HSPG2: variants seen among roughly 807,000 people sequenced by gnomAD.
The protein encoded by HSPG2 is basement membrane-specific heparan sulfate proteoglycan core protein.
A neutral mutation model predicts 526.6 loss-of-function variants in HSPG2; 278 were observed. The ratio of observed to expected loss-of-function variants is 0.53; its 90% confidence interval spans 0.48 to 0.58. The LOEUF is 0.58. Ranked by LOEUF, HSPG2 falls within the 20% of genes least tolerant of loss-of-function variation. HSPG2 has a pLI of 0.00. For synonymous variants in HSPG2, 2,465 were observed against 2,555.4 expected (o/e 0.96, Z 1.07); for missense variants, 5,354 against 6,099.5 (o/e 0.88, Z 4.07).
Position 21,890,765 on chromosome 1 carries a change from T to C in HSPG2, c.245-71A>G, listed in dbSNP as rs1055470490. The C allele has an allele frequency of 1.4e-5, 16 of 1,183,350 alleles. No homozygotes were observed. Among genetic ancestry groups the C allele is most frequent in the East Asian group, 7.1e-5 (3 of 42,376 alleles). 73.3% of individuals were successfully genotyped at this position (1,183,350 alleles called of 1,614,324 possible). On this transcript the variant is annotated intron_variant, in intron 3 of 96. Transcript: ENST00000374695. The surrounding 1 kb of genome is among the most constrained non-coding windows in gnomAD (Gnocchi z 4.1). ...CTAGTGGCCTTAGGCAGTTGGACCA[T>C]TCAGGCAGAGTTGGGGGGATGGCCC...
At chr1:21,829,871 GAGAT>G in intron 86 of HSPG2, 118 bp downstream of exon 86, 1 of 938,472 alleles carries the variant, frequency 1.1e-6, no homozygotes, top group Non-Finnish European at 1.7e-6. Context: ...AGGTGACTTC[GAGAT>G]CCTCTGGCTT....
intron 52 of HSPG2, 102 bp downstream of exon 52, chr1:21,852,598 T>C: frequency 6.6e-7 from 1 of 1,504,472 alleles, no homozygotes; most frequent in Admixed American, 1.7e-5. Context: ...CCAGCTCCGG[T>C]GTGGGCCTTC....
Position 21,832,545 on chromosome 1 carries a change from C to T in HSPG2, c.11157G>A (p.Arg3719=). 3 of 1,614,236 alleles carry T rather than the reference C, an allele frequency of 1.9e-6. No homozygotes were observed. Among genetic ancestry groups the T allele is most frequent in the Non-Finnish European group, 2.5e-6 (3 of 1,180,038 alleles). Residue 3719 remains arginine (R), a synonymous_variant, in exon 81 of 97, where the codon CGG becomes CGA. Coordinates refer to ENST00000374695, the MANE Select transcript of HSPG2 (RefSeq NM_005529.7). The part of the protein sequence containing the change: ...VPGSPTNLAN[R]QPDFISFGLV... ...GGCCGAAGGAGATGAAGTCGGGCTG[C>T]CGGTTGGCCAGGTTGGTGGGGCTCC...
chr1:21,850,269 C>T, intron 56 of HSPG2, 77 bp from the exon 57 acceptor site: 2 of 1,611,214 alleles, frequency 1.2e-6, no homozygotes, highest in South Asian at 2.2e-5. Context: ...AAGGCAGGTG[C>T]AGTCTGCGGC....
chr1:21,921,462 C>T (rs1644036465), intron 1 of HSPG2, among the ~76,000 whole-genome samples: 1 of 152,164 alleles, frequency 6.6e-6, no homozygotes, highest in Non-Finnish European at 1.5e-5. Context: ...TCTCCGGGAC[C>T]CCAGGTGCAC....
chr1:21,922,351 G>A (rs1026318516), intron 1 of HSPG2, among the ~76,000 whole-genome samples: 2 of 152,176 alleles, frequency 1.3e-5, no homozygotes, highest in African/African-American at 4.8e-5. Flanking sequence ...GAAACGGTGC[G>A]GAATTGATGG....
chr1:21,934,258 C>T (rs1275623077), intron 1 of HSPG2, among the ~76,000 whole-genome samples: 1 of 152,240 alleles, frequency 6.6e-6, no homozygotes, highest in African/African-American at 2.4e-5. Context: ...CCACTGGCTC[C>T]GGACCAAACT....
At chr1:21,913,882 C>T (rs1175737827) in intron 1 of HSPG2, among the ~76,000 whole-genome samples, 1 of 152,236 alleles carries the variant, frequency 6.6e-6, no homozygotes, top group African/African-American at 2.4e-5. Flanking sequence ...GGAGGCATGG[C>T]TCTGCCGCTT....
chr1:21,872,951 G>T lies in HSPG2; in HGVS notation c.3888+46C>A. On this transcript the variant is annotated intron_variant, in intron 31 of 96. Transcript: ENST00000374695. This position sits in a 1 kb window ranked among gnomAD's most constrained non-coding sequence, Gnocchi z 5.5. ...TGCCTGATTTCCCCGCAGGGTCTGGGCAGCGGGGCAGAGCAGGCCCCGCAG... is the reference window on the plus strand; with the variant it reads ...TGCCTGATTTCCCCGCAGGGTCTGGTCAGCGGGGCAGAGCAGGCCCCGCAG... 1 of 1,568,756 alleles carries T rather than the reference G, an allele frequency of 6.4e-7. No homozygotes were observed. The highest frequency in any genetic ancestry group is 8.8e-7 in the Non-Finnish European group (1 of 1,139,540).
chr1:21,881,059 G>A (rs1270488119), intron 14 of HSPG2, among the ~76,000 whole-genome samples: 3 of 152,188 alleles, frequency 2.0e-5, no homozygotes, highest in African/African-American at 4.8e-5. Context: ...CAGTGCACAG[G>A]GTACCCAGGG....
In HSPG2 at chr1:21,823,157, A is replaced by C. The variant is rs2097956278; in HGVS notation, c.*159T>G. The C allele has an allele frequency of 1.5e-6, 1 of 674,420 alleles. No individual in the cohort carries two copies. Among genetic ancestry groups the C allele is most frequent in the South Asian group, 2.8e-5 (1 of 35,772 alleles). The allele number at this position is 674,420 out of a possible 1,614,324, so 41.8% of individuals were successfully genotyped here. ...GTGGCTTTGCCCAGCTGTGTGTGTGAGGGTGGCATGCCCACCTCCAGTCCA... is the reference window on the plus strand; with the variant it reads ...GTGGCTTTGCCCAGCTGTGTGTGTGCGGGTGGCATGCCCACCTCCAGTCCA... On this transcript the variant is annotated 3_prime_UTR_variant, in exon 97 of 97. Coordinates refer to ENST00000374695, the MANE Select transcript of HSPG2 (RefSeq NM_005529.7).
intron 1 of HSPG2, among the ~76,000 whole-genome samples, chr1:21,926,761 C>CAA (rs57835686): frequency 3.9e-4 from 22 of 55,868 alleles, no homozygotes; most frequent in South Asian, 1.1e-3. Context: ...GACTCAGTCT[C>CAA]AAAAAAAAAA....
rs1230028155 is a variant in HSPG2 at position 21,842,250 on chromosome 1, C to A, written c.9041G>T (p.Gly3014Val). The A allele has an allele frequency of 5.0e-6, 8 of 1,613,610 alleles. No homozygotes were observed. The highest frequency in any genetic ancestry group is 6.8e-6 in the Non-Finnish European group (8 of 1,179,902). The change falls in exon 68 of 97, where the codon GGG (glycine) becomes GTG (valine). Residue 3014 changes from glycine (G) to valine (V), a missense_variant. By Grantham distance (109) the Gly-to-Val change is moderately radical (BLOSUM62 -3). Transcript: ENST00000374695. ...TCTGCCATACTCACGGTAGGAAGAC[C>A]CCTCACTGGGCGGGACGGTGACTGT... ...SFTVTVPPSE[G>V]SSYRLRSPVI...
At position 21,880,351 on chromosome 1, in the gene HSPG2, C is replaced by G. The variant is rs774245859; in HGVS notation, c.2195+12G>C. 1 of 1,613,936 alleles carries G rather than the reference C, an allele frequency of 6.2e-7. No homozygotes were observed. The highest frequency in any genetic ancestry group is 2.2e-5 in the East Asian group (1 of 44,896). ...GGGTCTCTGTGGTTCCCAGCCCTGC[C>G]GGCTCAGGCACCTGCACTCCTCCAC... is the stretch of plus-strand genomic sequence containing the variant. On this transcript the variant is annotated intron_variant, in intron 16 of 96. Coordinates refer to ENST00000374695, the MANE Select transcript of HSPG2 (RefSeq NM_005529.7).
At chr1:21,878,386 G>C (rs780056733) in intron 20 of HSPG2, 47 bp downstream of exon 20, 88 of 1,586,526 alleles carry the variant, frequency 5.5e-5, no homozygotes, top group Non-Finnish European at 7.2e-5. Flanking sequence ...TGCAGCCCAG[G>C]TTGGGTTGGG....
rs755375916 is a variant in HSPG2, at chr1:21,834,918, C to T, written c.10481G>A (p.Arg3494Gln). The T allele has an allele frequency of 9.9e-6, 16 of 1,613,410 alleles. No individual in the cohort carries two copies. The highest frequency in any genetic ancestry group is 2.7e-5 in the African/African-American group (2 of 75,032). ...QALPSVLINI[R>Q]TSVQTVVVGH... Reference sequence around the variant, plus strand: ...AACCACCACGGTCTGCACAGAGGTCCGGATGTTGATGAGCACCGAGGGCAG... The same window carrying T: ...AACCACCACGGTCTGCACAGAGGTCTGGATGTTGATGAGCACCGAGGGCAG... The change falls in exon 77 of 97, where the codon CGG (arginine) becomes CAG (glutamine). Residue 3494 changes from arginine to glutamine, a missense_variant. By Grantham distance (43) the Arg-to-Gln change is conservative. Coordinates refer to ENST00000374695, the MANE Select transcript of HSPG2 (RefSeq NM_005529.7).
At position 21,876,642 on chromosome 1, in the gene HSPG2, A is replaced by T. The variant is rs1253967075; in HGVS notation, c.2696T>A (p.Val899Glu). 6.2e-7 allele frequency: 1 copy of T among 1,614,174 alleles called. No individual in the cohort carries two copies. The highest frequency in any genetic ancestry group is 2.2e-5 in the East Asian group (1 of 44,880). The change falls in exon 22 of 97, where the codon GTG becomes GAG. Residue 899 changes from valine (V) to glutamate (E), a missense_variant. Coordinates refer to ENST00000374695, the MANE Select transcript of HSPG2 (RefSeq NM_005529.7). ...AGCACATTCATTGCACAAGCGCCCC[A>T]CCACATTGTTCTGCAGGCACAGAGT... ...GEACRCKNNV[V>E]GRLCNECADG...
At chr1:21,830,712 A>AAAAAAAG in intron 85 of HSPG2, 2 of 368,000 alleles carry the variant, frequency 5.4e-6, no homozygotes, top group South Asian at 4.4e-5. Flanking sequence ...AAAAAAAAAA[A>AAAAAAAG]GATGGGCTGG....
rs554403463 is a variant in HSPG2 at position 21,855,346 on chromosome 1, G to T, written c.5955C>A (p.Ala1985=). ...CCCCTTCCTTCCTCCAGGTGATGGT[G>T]GCGCTAGGCACGCCTGCAGCCCTGC... ...LYCRAAGVPS[A]TITWRKEGGS... The change falls in exon 47 of 97, where the codon GCC becomes GCA. Residue 1985 remains alanine (A), a synonymous_variant. Transcript: ENST00000374695. 3 of 1,609,936 alleles carry T rather than the reference G, an allele frequency of 1.9e-6. No individual in the cohort carries two copies. The East Asian group carries it at 6.7e-5, about 36-fold the overall frequency.
Sources: allele counts gnomAD v4.1 joint callset (sites outside exome capture counted in the v4.1 genomes callset), GRCh38; gene constraint gnomAD v4.1.1; non-coding constraint Gnocchi (gnomAD v3.1); transcripts MANE v1.5; gene names NCBI Gene and HGNC (gene_info 2026-07-23, HGNC 2026-07-21).